DLGAP2: variants seen among roughly 807,000 people sequenced by gnomAD.
The protein encoded by DLGAP2 is disks large-associated protein 2.
Under a neutral mutation model 100.3 loss-of-function variants are expected in DLGAP2, and 26 were observed. That is an observed-to-expected ratio of 0.26 (90% confidence interval 0.19 to 0.36). The LOEUF (loss-of-function observed/expected upper bound fraction) is 0.36. Ranked by LOEUF, DLGAP2 falls within the 10% of genes least tolerant of loss-of-function variation. The probability of loss-of-function intolerance (pLI) is 1.00; values close to 1 mark genes in which losing one functional copy is unlikely to be tolerated. For synonymous variants in DLGAP2, 886 were observed against 630.1 expected, an observed-to-expected ratio of 1.41 and a Z score of -6.08; for missense variants, 1,858 against 1,453.2, an observed-to-expected ratio of 1.28 and a Z score of -4.53.
chr8:978,523 CGTCGGGGATGCAGTGAGAGGG>C, intron 2 of DLGAP2, among the ~76,000 whole-genome samples: 1 of 95,264 alleles, frequency 1.0e-5, no homozygotes, highest in Non-Finnish European at 2.2e-5. Context: ...GTGGGGAGGG[CGTCGGGGATGCAGTGAGAGGG>C]TGGGTTCTGG....
At chr8:786,918 G>A (rs955765684) in intron 1 of DLGAP2, among the ~76,000 whole-genome samples, 2 of 152,122 alleles carry the variant, frequency 1.3e-5, no homozygotes, top group Admixed American at 6.5e-5. Context: ...AAGATGAGAT[G>A]CCTCAAAACA....
intron 1 of DLGAP2, among the ~76,000 whole-genome samples, chr8:876,143 A>G (rs1797684302): frequency 6.6e-6 from 1 of 152,172 alleles, no homozygotes; most frequent in Non-Finnish European, 1.5e-5. Context: ...ATTATTTTAT[A>G]CAATTTTATT....
intron 2 of DLGAP2, among the ~76,000 whole-genome samples, chr8:1,134,716 G>A (rs1045937770): frequency 6.6e-6 from 1 of 152,184 alleles, no homozygotes; most frequent in Admixed American, 6.5e-5. Context: ...GGGCTGGGGA[G>A]GCCTCAGGAA....
rs528285036 is a variant in DLGAP2 at position 1,475,680 on chromosome 8, A to T, written c.107-25686A>T. ...ACCGCAAGGCCGAGCGGAGAGGAAG[A>T]CAGAACCCTCGCGTGGTCCACGGCA... On this transcript the variant is annotated intron_variant, in intron 3 of 14. Coordinates refer to ENST00000637795, the MANE Select transcript of DLGAP2 (RefSeq NM_001346810.2). Among the ~76,000 whole-genome samples, 807 of 152,298 alleles carry T rather than the reference A, an allele frequency of 5.3e-3. 9 individuals carry two copies. The highest frequency in any genetic ancestry group is 0.018 in the African/African-American group (751 of 41,556).
intron 4 of DLGAP2, among the ~76,000 whole-genome samples, chr8:1,538,339 A>T (rs1485052551): frequency 1.3e-5 from 2 of 152,124 alleles, no homozygotes; most frequent in Non-Finnish European, 1.5e-5. Flanking sequence ...CCGTTCCCCC[A>T]ATTTCATTAT....
chr8:857,762 C>T (rs1270594263), intron 1 of DLGAP2, among the ~76,000 whole-genome samples: 1 of 152,168 alleles, frequency 6.6e-6, no homozygotes, highest in Non-Finnish European at 1.5e-5. Flanking sequence ...CTGAAGACCG[C>T]TAGGTGGTTC....
At chr8:1,564,678 G>A (rs377561695) in intron 5 of DLGAP2, among the ~76,000 whole-genome samples, 10 of 152,172 alleles carry the variant, frequency 6.6e-5, no homozygotes, top group Admixed American at 4.6e-4. Context: ...TAATACGCAC[G>A]GGTGCTGAGT....
chr8:1,464,442 T>C (rs1267076255), intron 3 of DLGAP2, among the ~76,000 whole-genome samples: 2 of 80,152 alleles, frequency 2.5e-5, no homozygotes, highest in Non-Finnish European at 4.9e-5. Context: ...TCCTTCCAGC[T>C]GAGCTCCCAG....
At chr8:1,650,374 A>T (rs1798134990) in intron 8 of DLGAP2, among the ~76,000 whole-genome samples, 1 of 152,212 alleles carries the variant, frequency 6.6e-6, no homozygotes, top group African/African-American at 2.4e-5. Context: ...CTGTCCTATG[A>T]TTCATAAAAT....
At chr8:1,529,208 G>A (rs1031115529) in intron 4 of DLGAP2, among the ~76,000 whole-genome samples, 2 of 152,236 alleles carry the variant, frequency 1.3e-5, no homozygotes, top group African/African-American at 4.8e-5. Context: ...GTAGCAGGAA[G>A]GAGAAGGGGA....
At position 1,701,732 on chromosome 8, in the gene DLGAP2, A is replaced by G. The variant is rs1799577682; in HGVS notation, c.*326A>G. 5.2e-6 allele frequency: 2 copies of G among 382,122 alleles called. No homozygotes were observed. The highest frequency in any genetic ancestry group is 8.4e-5 in the East Asian group (2 of 23,800). 23.7% of individuals were successfully genotyped at this position (382,122 alleles called of 1,614,324 possible). A position where few individuals can be genotyped will look rare whatever the true frequency, so the allele number is the denominator to read the frequency against. ...AGAAATGCCTCTGGAGCTGGAACCC[A>G]GCTTACATTTTGTTATTTCTATTTT... On this transcript the variant is annotated 3_prime_UTR_variant, in exon 15 of 15. Transcript: ENST00000637795.
intron 6 of DLGAP2, among the ~76,000 whole-genome samples, chr8:1,623,317 C>T (rs1797396107): frequency 6.6e-6 from 1 of 152,176 alleles, no homozygotes; most frequent in Non-Finnish European, 1.5e-5. Flanking sequence ...GACCTGGCAC[C>T]AGTGTGTGAT....
chr8:1,269,184 C>T (rs1050348712), intron 3 of DLGAP2, among the ~76,000 whole-genome samples: 2 of 152,240 alleles, frequency 1.3e-5, no homozygotes, highest in Non-Finnish European at 2.9e-5. Context: ...TGCTTCCTTC[C>T]CTGCCCTTCT....
chr8:1,092,557 T>A (rs1804220948), intron 2 of DLGAP2, among the ~76,000 whole-genome samples: 1 of 152,302 alleles, frequency 6.6e-6, no homozygotes, highest in South Asian at 2.1e-4. Flanking sequence ...TGTGGCCGGC[T>A]CTGTGGCATC....
chr8:1,339,719 C>T (rs773455280), intron 3 of DLGAP2, among the ~76,000 whole-genome samples: 10 of 152,306 alleles, frequency 6.6e-5, no homozygotes, highest in Non-Finnish European at 1.0e-4. Context: ...AAGTCTCACC[C>T]GGGCGCATCA....
intron 3 of DLGAP2, among the ~76,000 whole-genome samples, chr8:1,373,455 G>C (rs1364832867): frequency 3.3e-5 from 5 of 152,196 alleles, no homozygotes; most frequent in African/African-American, 9.6e-5. Context: ...GAGCCGTGTC[G>C]GCCGAGACCC....
chr8:1,241,258 C>G (rs1266497766), intron 2 of DLGAP2, among the ~76,000 whole-genome samples: 1 of 141,256 alleles, frequency 7.1e-6, no homozygotes, highest in Non-Finnish European at 1.5e-5. Flanking sequence ...GGAACCATGT[C>G]TAGTTCTCTC....
intron 2 of DLGAP2, among the ~76,000 whole-genome samples, chr8:1,164,407 G>GTTTGTGGGGACAGATT (rs1796972900): frequency 6.6e-6 from 1 of 152,046 alleles, no homozygotes; most frequent in Non-Finnish European, 1.5e-5. Context: ...CGTCGTTTTG[G>GTTTGTGGGGACAGATT]TTTCTCTGGA....
At chr8:1,345,833 T>C (rs1234246757) in intron 3 of DLGAP2, among the ~76,000 whole-genome samples, 1 of 152,258 alleles carries the variant, frequency 6.6e-6, no homozygotes, top group Non-Finnish European at 1.5e-5. Context: ...TAAAATTAAC[T>C]GAGCGTGCTT....
Sources: allele counts gnomAD v4.1 joint callset (sites outside exome capture counted in the v4.1 genomes callset), GRCh38; gene constraint gnomAD v4.1.1; transcripts MANE v1.5; gene names NCBI Gene and HGNC (gene_info 2026-07-23, HGNC 2026-07-21).